The following DYM variants were observed in gnomAD, a reference collection of about 807,000 sequenced individuals.
The protein encoded by DYM is dyggve-Melchior-Clausen syndrome protein.
DYM carries 78 observed loss-of-function variants against 93.1 expected under a neutral mutation model. The ratio of observed to expected loss-of-function variants is 0.84; its 90% CI spans 0.70 to 1.01. The LOEUF is 1.01. Among genes scored for constraint, DYM ranks in the 50% least tolerant of loss-of-function variants. The pLI is 0.00. For missense variants in DYM, 789 were observed against 845.0 expected, an observed-to-expected ratio of 0.93 and a Z score of 0.82; for synonymous variants, 321 against 319.7, an observed-to-expected ratio of 1.00 and a Z score of -0.04.
chr18:49,071,384 T>C (rs1238686888), intron 17 of DYM, among the ~76,000 whole-genome samples: 1 of 152,212 alleles, frequency 6.6e-6, no homozygotes, highest in African/African-American at 2.4e-5. Context: ...AGTAACCACT[T>C]AACTTCAGTC....
chr18:49,229,977 A>G (rs1396300756), intron 13 of DYM, among the ~76,000 whole-genome samples: 1 of 152,214 alleles, frequency 6.6e-6, no homozygotes, highest in Non-Finnish European at 1.5e-5. Context: ...TCCAGTCTCA[A>G]AAGACTAAAT....
chr18:49,428,599 T>C (rs948962905), intron 2 of DYM, among the ~76,000 whole-genome samples: 1 of 152,146 alleles, frequency 6.6e-6, no homozygotes, highest in African/African-American at 2.4e-5. Context: ...GGCCGAAGAA[T>C]TGCTTGAATC....
chr18:49,146,119 C>G (rs1342454523), intron 15 of DYM, among the ~76,000 whole-genome samples: 1 of 152,126 alleles, frequency 6.6e-6, no homozygotes, highest in African/African-American at 2.4e-5. Context: ...TTCTTTATAT[C>G]CAGGGTAACC....
At chr18:49,103,606 G>A (rs543808178) in intron 16 of DYM, among the ~76,000 whole-genome samples, 1 of 152,274 alleles carries the variant, frequency 6.6e-6, no homozygotes, top group East Asian at 1.9e-4. Flanking sequence ...GTAAGGAAGG[G>A]ATCCAGTTTC....
chr18:49,285,466 G>T (rs2095099987), intron 9 of DYM, among the ~76,000 whole-genome samples: 2 of 152,158 alleles, frequency 1.3e-5, no homozygotes, highest in Admixed American at 1.3e-4. Flanking sequence ...CATATTCAAA[G>T]TGATTCCATG....
chr18:49,324,482 T>C (rs1200462786), intron 8 of DYM, among the ~76,000 whole-genome samples: 1 of 152,240 alleles, frequency 6.6e-6, no homozygotes, highest in East Asian at 1.9e-4. Flanking sequence ...AAATCTCTTG[T>C]GGGCAATATC....
Position 49,340,194 on chromosome 18 carries a change from C to T in DYM, c.495-6341G>A, listed in dbSNP as rs566723233. Among the ~76,000 whole-genome samples, 31 of 152,168 alleles carry T rather than the reference C, an allele frequency of 2.0e-4. No homozygotes were observed. In the East Asian group the frequency reaches 5.2e-3, roughly 26 times the overall value. On this transcript the variant is annotated intron_variant, in intron 6 of 17. Transcript: ENST00000675505. ...GTCTCGATCTCCTGATCTCGTGATC[C>T]GCCCGCCTCGGCCTACCAAAGTGCT...
chr18:49,437,273 T>C (rs746943679), intron 1 of DYM, among the ~76,000 whole-genome samples: 1 of 152,158 alleles, frequency 6.6e-6, no homozygotes, highest in Non-Finnish European at 1.5e-5. Flanking sequence ...AAACAAACCA[T>C]AGCATATGAC....
intron 15 of DYM, among the ~76,000 whole-genome samples, chr18:49,132,649 T>C (rs1423326195): frequency 1.3e-5 from 2 of 152,100 alleles, no homozygotes; most frequent in Non-Finnish European, 2.9e-5. Flanking sequence ...ATTGGTAAAG[T>C]TAGTTGAAAA....
At chr18:49,392,653 C>A in intron 2 of DYM, among the ~76,000 whole-genome samples, 1 of 133,600 alleles carries the variant, frequency 7.5e-6, no homozygotes, top group Non-Finnish European at 1.5e-5. Flanking sequence ...CGAGATACTA[C>A]TCCACACCCA....
chr18:49,067,210 GCACTA>G (rs2076485016), intron 17 of DYM, among the ~76,000 whole-genome samples: 8 of 44,656 alleles, frequency 1.8e-4, no homozygotes, highest in Middle Eastern at 0.023. Flanking sequence ...GGTGATGTGA[GCACTA>G]TGCAGGTTCA....
rs369696317 is a variant in DYM, at chr18:49,163,760, G to A, written c.1653C>T (p.His551=). Residue 551 remains histidine (H), a synonymous_variant, in exon 15 of 18, where the codon CAC becomes CAT. Coordinates refer to ENST00000675505, the MANE Select transcript of DYM (RefSeq NM_001353214.3). ...GTGTGGCTTGTTCCAGAACTTTGTT[G>A]TGTTTTTTAGACAGCAAAGAAAATA... is the stretch of plus-strand genomic sequence containing the variant. The part of the protein sequence containing the change: ...SSLFSLLSKK[H]NKVLEQATQS... The A allele has an allele frequency of 1.6e-5, 26 of 1,611,332 alleles. No homozygotes were observed. The highest frequency in any genetic ancestry group is 2.1e-5 in the Non-Finnish European group (25 of 1,178,492).
At chr18:49,349,291 A>T (rs1163234750) in intron 6 of DYM, among the ~76,000 whole-genome samples, 1 of 152,220 alleles carries the variant, frequency 6.6e-6, no homozygotes, top group Non-Finnish European at 1.5e-5. Context: ...TGTATATGCA[A>T]AAAATGCATC....
At chr18:49,145,372 A>C (rs1006660505) in intron 15 of DYM, among the ~76,000 whole-genome samples, 2 of 152,008 alleles carry the variant, frequency 1.3e-5, no homozygotes, top group East Asian at 1.9e-4. Context: ...ATATATATTT[A>C]GGTTCACTGA....
At chr18:49,309,025 T>C (rs1194098934) in intron 8 of DYM, among the ~76,000 whole-genome samples, 1 of 150,974 alleles carries the variant, frequency 6.6e-6, no homozygotes, top group Non-Finnish European at 1.5e-5. Context: ...CAACGGTACA[T>C]AAACAAGATA....
At chr18:49,199,664 T>C (rs999954145) in intron 14 of DYM, among the ~76,000 whole-genome samples, 5 of 152,342 alleles carry the variant, frequency 3.3e-5, no homozygotes, top group African/African-American at 1.2e-4. Context: ...CAGTATCATA[T>C]GCATGAAAAA....
At chr18:49,414,589 T>C (rs1353642406) in intron 2 of DYM, among the ~76,000 whole-genome samples, 1 of 152,200 alleles carries the variant, frequency 6.6e-6, no homozygotes, top group Non-Finnish European at 1.5e-5. Flanking sequence ...CTTTTGCTGC[T>C]CTTCTAACAA....
At chr18:49,333,576 C>A in intron 7 of DYM, 152 bp downstream of exon 7, 1 of 766,092 alleles carries the variant, frequency 1.3e-6, no homozygotes, top group Non-Finnish European at 2.1e-6. Context: ...AAGTAGAATG[C>A]GGTTCCCTAT....
chr18:49,415,927 C>CAAAAA (rs80304487), intron 2 of DYM, among the ~76,000 whole-genome samples: 82 of 84,534 alleles, frequency 9.7e-4, no homozygotes, highest in East Asian at 5.4e-3. Context: ...AACTCTGACT[C>CAAAAA]AAAAAAAAAA....
Sources: gnomAD v4.1 joint callset for allele counts (sites outside exome capture counted in the v4.1 genomes callset) on GRCh38, gnomAD v4.1.1 for gene constraint, MANE v1.5 for transcripts, NCBI Gene and HGNC (gene_info 2026-07-23, HGNC 2026-07-21) for gene names.